The following EYS variants were observed in gnomAD, a reference collection of about 807,000 sequenced individuals.
The protein encoded by EYS is protein eyes shut homolog.
In EYS, 250 loss-of-function variants were observed where a neutral mutation model predicts 282.1. The ratio of observed to expected loss-of-function variants is 0.89; its 90% CI spans 0.80 to 0.98. The LOEUF is 0.98. Ranked by LOEUF, EYS falls within the 50% of genes least tolerant of loss-of-function variation. EYS has a pLI of 0.00. For missense variants in EYS, 4,016 were observed against 3,709.0 expected (o/e 1.08, Z -2.15); for synonymous variants, 1,355 against 1,282.9 (o/e 1.06, Z -1.20).
intron 10 of EYS, among the ~76,000 whole-genome samples, chr6:65,335,682 T>A (rs1172487462): frequency 2.0e-5 from 3 of 151,680 alleles, no homozygotes; most frequent in Non-Finnish European, 4.4e-5. Context: ...CTGTCCCCCA[T>A]AAATATGTAT....
intron 30 of EYS, among the ~76,000 whole-genome samples, chr6:64,284,107 A>T (rs531538791): frequency 6.6e-6 from 1 of 152,210 alleles, no homozygotes; most frequent in Non-Finnish European, 1.5e-5. Context: ...TCATTTCAAC[A>T]TTAACCCAAA....
At chr6:64,889,455 T>G (rs572623388) in intron 18 of EYS, among the ~76,000 whole-genome samples, 4 of 152,136 alleles carry the variant, frequency 2.6e-5, no homozygotes, top group African/African-American at 9.6e-5. Context: ...TCCTTCTGAA[T>G]TTTGCCTTTT....
chr6:65,299,374 TC>T (rs1395538804), intron 11 of EYS, among the ~76,000 whole-genome samples: 1 of 152,098 alleles, frequency 6.6e-6, no homozygotes, highest in Non-Finnish European at 1.5e-5. Flanking sequence ...TATCAACACT[TC>T]CTTTTCCTTT....
intron 12 of EYS, among the ~76,000 whole-genome samples, chr6:65,263,491 A>G (rs922909561): frequency 3.3e-5 from 5 of 152,178 alleles, no homozygotes; most frequent in African/African-American, 1.2e-4. Context: ...CTCTTCCAAA[A>G]TTCCAGAAAA....
chr6:63,941,829 A>G (rs1488012499), intron 35 of EYS, among the ~76,000 whole-genome samples: 1 of 152,230 alleles, frequency 6.6e-6, no homozygotes, highest in African/African-American at 2.4e-5. Flanking sequence ...GATCAACACT[A>G]GCTGCCAGTC....
chr6:64,120,379 A>G (rs867912880), intron 31 of EYS, among the ~76,000 whole-genome samples: 3,678 of 150,050 alleles, frequency 0.025, 51 homozygotes, highest in Non-Finnish European at 0.04. Flanking sequence ...AAAAAAAAAA[A>G]AAAGAAAAAC....
chr6:64,489,331 A>T (rs1227133524), intron 26 of EYS, among the ~76,000 whole-genome samples: 1 of 150,736 alleles, frequency 6.6e-6, no homozygotes, highest in Non-Finnish European at 1.5e-5. Flanking sequence ...TTTGTAAAAC[A>T]CTAGTCTCTA....
At chr6:64,335,539 T>A (rs2150393225) in intron 29 of EYS, among the ~76,000 whole-genome samples, 1 of 152,238 alleles carries the variant, frequency 6.6e-6, no homozygotes, top group African/African-American at 2.4e-5. Flanking sequence ...TTAAGATGTT[T>A]AAAAGTAGGA....
intron 33 of EYS, among the ~76,000 whole-genome samples, chr6:64,040,108 C>T (rs9351119): frequency 0.42 from 63,449 of 151,990 alleles, 14,348 homozygotes; most frequent in African/African-American, 0.6. Context: ...ACTGAAAAAA[C>T]GTTTTCAGTT....
intron 22 of EYS, among the ~76,000 whole-genome samples, chr6:64,649,680 T>C (rs1264968862): frequency 2.0e-5 from 3 of 152,186 alleles, no homozygotes; most frequent in Admixed American, 6.5e-5. Context: ...TTCTCATTTT[T>C]GTTTGCTTTG....
intron 32 of EYS, among the ~76,000 whole-genome samples, chr6:64,076,960 A>G (rs1771794042): frequency 6.6e-6 from 1 of 151,998 alleles, no homozygotes; most frequent in Non-Finnish European, 1.5e-5. Context: ...ACCATCACTT[A>G]TTCAACTTTG....
chr6:65,521,882 G>A (rs1018701434), intron 2 of EYS, among the ~76,000 whole-genome samples: 12 of 151,902 alleles, frequency 7.9e-5, no homozygotes, highest in African/African-American at 1.7e-4. Flanking sequence ...GGTATATAAC[G>A]GATGTTTTAA....
Position 64,039,669 on chromosome 6 carries a change from C to CA in EYS, c.6725+26668dup, listed in dbSNP as rs202167916. On this transcript the variant is annotated intron_variant, in intron 33 of 42. Coordinates refer to ENST00000503581, the MANE Select transcript of EYS (RefSeq NM_001142800.2). ...TATAAGGTTGCCATTGTTTTAATGGCAAAAAAAAATGTTTCCATGAAATTT... is the reference window on the plus strand; with the variant it reads ...TATAAGGTTGCCATTGTTTTAATGGCAAAAAAAAAATGTTTCCATGAAATTT... Among the ~76,000 whole-genome samples the CA allele has an allele frequency of 3.1e-3, 459 of 148,602 alleles. 3 individuals carry two copies. The highest frequency in any genetic ancestry group is 7.9e-3 in the South Asian group (37 of 4,676).
intron 12 of EYS, among the ~76,000 whole-genome samples, chr6:65,120,666 C>T (rs1775517577): frequency 6.6e-6 from 1 of 152,004 alleles, no homozygotes; most frequent in Admixed American, 6.6e-5. Flanking sequence ...CCATGGAATA[C>T]ACCTAAAAAG....
chr6:65,700,807 C>A (rs2812778), intron 1 of EYS, among the ~76,000 whole-genome samples: 53,762 of 152,140 alleles, frequency 0.35, 12,004 homozygotes, highest in Non-Finnish European at 0.49. Context: ...GTTTGCCGTA[C>A]GTTCTTCAGC....
At chr6:64,600,427 TA>T (rs980188734) in intron 24 of EYS, among the ~76,000 whole-genome samples, 1 of 152,046 alleles carries the variant, frequency 6.6e-6, no homozygotes, top group Non-Finnish European at 1.5e-5. Flanking sequence ...CCCATAATAA[TA>T]AAAAAACTCT....
intron 29 of EYS, among the ~76,000 whole-genome samples, chr6:64,376,322 G>C (rs1007167463): frequency 6.6e-6 from 1 of 152,060 alleles, no homozygotes; most frequent in Non-Finnish European, 1.5e-5. Flanking sequence ...GTAGAGACAA[G>C]AACTCACACT....
At chr6:64,635,886 T>A (rs559702313) in intron 22 of EYS, among the ~76,000 whole-genome samples, 14 of 152,300 alleles carry the variant, frequency 9.2e-5, no homozygotes, top group African/African-American at 3.4e-4. Flanking sequence ...TGGAATAGTT[T>A]CAGAAGGAAT....
rs1040123683 is a variant in EYS, at chr6:65,575,494, A to T, written c.-333+64284T>A. On this transcript the variant is annotated intron_variant, in intron 2 of 42. Coordinates refer to ENST00000503581, the MANE Select transcript of EYS (RefSeq NM_001142800.2). Reference sequence around the variant, plus strand: ...TAAATGTCTACAAAGAAAAAGGAAAAGATCCCAGATAAACAACCTAATGTG... The same window carrying T: ...TAAATGTCTACAAAGAAAAAGGAAATGATCCCAGATAAACAACCTAATGTG... Among the ~76,000 whole-genome samples the T allele has an allele frequency of 7.2e-5, 11 of 151,776 alleles. No homozygotes were observed. In the South Asian group the frequency reaches 1.9e-3, roughly 26 times the overall value.
Sources: gnomAD v4.1 joint callset for allele counts (sites outside exome capture counted in the v4.1 genomes callset) on GRCh38, gnomAD v4.1.1 for gene constraint, MANE v1.5 for transcripts, NCBI Gene and HGNC (gene_info 2026-07-23, HGNC 2026-07-21) for gene names.